Variants in FBXL17 observed in about 807,000 individuals in gnomAD.
FBXL17 encodes the protein F-box and leucine rich repeat protein 17.
FBXL17 carries 22 observed loss-of-function variants against 66.2 expected under a neutral mutation model. The ratio of observed to expected loss-of-function variants is 0.33; its 90% CI spans 0.24 to 0.47. The LOEUF is 0.47. Ranked by LOEUF, FBXL17 falls within the 20% of genes least tolerant of loss-of-function variation. The pLI, the probability that FBXL17 is intolerant of heterozygous loss-of-function variation, is 1.00. For missense variants in FBXL17, 878 were observed against 948.2 expected (o/e 0.93, Z 0.97); for synonymous variants, 474 against 400.5 (o/e 1.18, Z -2.19).
intron 8 of FBXL17, chr5:107,878,977 A>G (rs1056898454): frequency 2.0e-6 from 2 of 985,380 alleles, no homozygotes; most frequent in Admixed American, 1.2e-4. Flanking sequence ...GAAAAGGGCT[A>G]AAACCCTCAG....
At chr5:108,224,528 TACACACACACAC>T (rs138044828) in intron 4 of FBXL17, among the ~76,000 whole-genome samples, 5 of 147,258 alleles carry the variant, frequency 3.4e-5, no homozygotes, top group African/African-American at 1.0e-4. Context: ...TGTATATGTA[TACACACACACAC>T]ACACACACAC....
At chr5:107,868,583 T>C (rs994776732) in intron 8 of FBXL17, among the ~76,000 whole-genome samples, 1 of 152,224 alleles carries the variant, frequency 6.6e-6, no homozygotes, top group Non-Finnish European at 1.5e-5. Flanking sequence ...CTTTCCCTTG[T>C]TACGGAGGTA....
chr5:108,147,934 T>C (rs1751623095), intron 6 of FBXL17, among the ~76,000 whole-genome samples: 1 of 150,778 alleles, frequency 6.6e-6, no homozygotes, highest in African/African-American at 2.4e-5. Context: ...TAATGTAGAA[T>C]TTAATATTCA....
chr5:107,998,293 A>G (rs1753563018), intron 7 of FBXL17, among the ~76,000 whole-genome samples: 1 of 152,184 alleles, frequency 6.6e-6, no homozygotes, highest in Non-Finnish European at 1.5e-5. Flanking sequence ...TTAAATTTCC[A>G]TTGGACAGTG....
At chr5:108,304,790 T>C (rs1196840641) in intron 4 of FBXL17, among the ~76,000 whole-genome samples, 2 of 152,020 alleles carry the variant, frequency 1.3e-5, no homozygotes, top group African/African-American at 4.8e-5. Context: ...TGTTACCTCA[T>C]ATTTCAGCCT....
At chr5:108,380,200 G>A (rs1561568843) in intron 1 of FBXL17, among the ~76,000 whole-genome samples, 2 of 152,072 alleles carry the variant, frequency 1.3e-5, no homozygotes, top group African/African-American at 4.8e-5. Context: ...TTATCTCGAA[G>A]CGTTAACTAG....
intron 6 of FBXL17, among the ~76,000 whole-genome samples, chr5:108,087,941 T>A (rs772117940): frequency 1.4e-4 from 22 of 152,228 alleles, no homozygotes; most frequent in Non-Finnish European, 1.5e-4. Flanking sequence ...GTTTCGCTTT[T>A]TTTAAAAAAC....
chr5:108,250,226 GGGCCAACGTCTCTT>G (rs1203478660), intron 4 of FBXL17, among the ~76,000 whole-genome samples: 2 of 151,948 alleles, frequency 1.3e-5, no homozygotes, highest in African/African-American at 4.8e-5. Context: ...CATGTGAATG[GGGCCAACGTCTCTT>G]GGCATGCTTG....
intron 4 of FBXL17, among the ~76,000 whole-genome samples, chr5:108,311,951 A>G (rs775513513): frequency 5.9e-5 from 9 of 152,244 alleles, no homozygotes; most frequent in African/African-American, 1.7e-4. Flanking sequence ...TAGAAAACCT[A>G]TTCTCCAGAC....
intron 4 of FBXL17, among the ~76,000 whole-genome samples, chr5:108,252,351 C>G (rs1580694029): frequency 6.6e-6 from 1 of 151,818 alleles, no homozygotes; most frequent in Non-Finnish European, 1.5e-5. Flanking sequence ...GAAAACATAC[C>G]AATGCATGAT....
chr5:107,964,849 A>G (rs1752058490), intron 7 of FBXL17, among the ~76,000 whole-genome samples: 1 of 152,158 alleles, frequency 6.6e-6, no homozygotes, highest in African/African-American at 2.4e-5. Context: ...TTACAATCCA[A>G]TTAGCACTTC....
chr5:107,875,962 C>G (rs1252702762), intron 8 of FBXL17, among the ~76,000 whole-genome samples: 4 of 152,192 alleles, frequency 2.6e-5, no homozygotes, highest in Admixed American at 6.5e-5. Context: ...GCTCTTCACG[C>G]CTGTGTAATT....
At chr5:108,280,371 A>G (rs1319924507) in intron 4 of FBXL17, among the ~76,000 whole-genome samples, 1 of 152,162 alleles carries the variant, frequency 6.6e-6, no homozygotes, top group African/African-American at 2.4e-5. Flanking sequence ...TTCATAAAGG[A>G]AGACAAAATA....
intron 6 of FBXL17, among the ~76,000 whole-genome samples, chr5:108,036,765 G>A (rs896847438): frequency 1.1e-4 from 17 of 152,116 alleles, no homozygotes; most frequent in African/African-American, 4.1e-4. Context: ...CGCAAAACAG[G>A]TTTGTTGAAC....
At chr5:108,332,534 C>T (rs1225082309) in intron 4 of FBXL17, among the ~76,000 whole-genome samples, 2 of 152,096 alleles carry the variant, frequency 1.3e-5, no homozygotes, top group Non-Finnish European at 2.9e-5. Flanking sequence ...CTCCCTAAAT[C>T]AGAGTAATAC....
intron 5 of FBXL17, among the ~76,000 whole-genome samples, chr5:108,199,469 C>CTATA (rs1753805321): frequency 6.6e-6 from 1 of 152,122 alleles, no homozygotes; most frequent in African/African-American, 2.4e-5. Context: ...AATGATCTTT[C>CTATA]TATAATTAAG....
intron 7 of FBXL17, among the ~76,000 whole-genome samples, chr5:108,006,816 C>T (rs1753942918): frequency 1.3e-5 from 2 of 152,178 alleles, no homozygotes; most frequent in Admixed American, 6.5e-5. Context: ...AAATCCTTTA[C>T]TATGTACTTC....
intron 4 of FBXL17, chr5:108,298,100 T>C: frequency 1.3e-5 from 13 of 965,154 alleles, no homozygotes; most frequent in Non-Finnish European, 1.5e-5. Context: ...GCTTATATTA[T>C]ACAATTTTAA....
In FBXL17 at chr5:107,914,411, A is replaced by T. The variant is rs145081839; in HGVS notation, c.1823-33232T>A. 2.0e-3 allele frequency among the ~76,000 whole-genome samples: 303 copies of T among 152,310 alleles called. 1 individual carries two copies. The highest frequency in any genetic ancestry group is 6.6e-3 in the African/African-American group (273 of 41,566). On this transcript the variant is annotated intron_variant, in intron 7 of 8. Coordinates refer to ENST00000542267, the MANE Select transcript of FBXL17 (RefSeq NM_001163315.3). ...TTCCCCAACTCATTTCAGCTTAAGC[A>T]TCTAGTCTGTATTCTTTTTTAGATC...
Sources: allele counts gnomAD v4.1 joint callset (sites outside exome capture counted in the v4.1 genomes callset), GRCh38; gene constraint gnomAD v4.1.1; transcripts MANE v1.5; gene names NCBI Gene and HGNC (gene_info 2026-07-23, HGNC 2026-07-21).